Variants in PCCB observed in about 807,000 individuals in gnomAD.
PCCB encodes the protein propionyl-CoA carboxylase beta chain, mitochondrial.
In PCCB, 43 loss-of-function variants were observed where a neutral mutation model predicts 60.7. The ratio of observed to expected loss-of-function variants is 0.71; its 90% CI spans 0.55 to 0.91. The LOEUF (loss-of-function observed/expected upper bound fraction) is 0.91, where lower values mean the gene tolerates loss of function less well. PCCB is among the 40% of genes least tolerant of loss of function. PCCB has a pLI of 0.00. For synonymous variants in PCCB, 276 were observed against 255.9 expected, an observed-to-expected ratio of 1.08 and a Z score of -0.75; for missense variants, 766 against 702.8, an observed-to-expected ratio of 1.09 and a Z score of -1.02.
At chr3:136,278,641 C>T (rs146927494) in intron 5 of PCCB, among the ~76,000 whole-genome samples, 172 of 152,124 alleles carry the variant, frequency 1.1e-3, no homozygotes, top group African/African-American at 4.0e-3. Flanking sequence ...AGTTTTATTC[C>T]ATTGTGATCA....
chr3:136,268,098 A>ATATATATG (rs1942073772), intron 5 of PCCB, among the ~76,000 whole-genome samples: 2 of 115,504 alleles, frequency 1.7e-5, no homozygotes, highest in African/African-American at 3.8e-5. Flanking sequence ...ATATATATAT[A>ATATATATG]TATATATATA....
At position 136,284,573 on chromosome 3, in the gene PCCB, G is replaced by C. The variant is rs1282585158; in HGVS notation, c.654+626G>C. On this transcript the variant is annotated intron_variant, in intron 6 of 14. Coordinates refer to ENST00000251654, the MANE Select transcript of PCCB (RefSeq NM_000532.5). ...AATAAAAATGAACATTGGATGCCAAGACAGAATGGTTGGGGGGAAAAAGTA... is the reference window on the plus strand; with the variant it reads ...AATAAAAATGAACATTGGATGCCAACACAGAATGGTTGGGGGGAAAAAGTA... Among the ~76,000 whole-genome samples, 4 of 152,216 alleles carry C rather than the reference G, an allele frequency of 2.6e-5. No homozygotes were observed. The East Asian group carries it at 7.7e-4, about 29-fold the overall frequency.
intron 10 of PCCB, 76 bp downstream of exon 10, chr3:136,317,140 T>A: frequency 1.3e-6 from 2 of 1,512,134 alleles, no homozygotes; most frequent in Middle Eastern, 1.7e-4. Flanking sequence ...ATCCTTTCTG[T>A]CTTTTGCCTG....
chr3:136,264,440 G>GTGTGTATATATA lies in PCCB; in HGVS notation c.543+2376_543+2377insGTGTATATATAT. Among the ~76,000 whole-genome samples, 67 of 123,832 alleles carry GTGTGTATATATA rather than the reference G, an allele frequency of 5.4e-4. 4 individuals carry two copies. Among genetic ancestry groups the GTGTGTATATATA allele is most frequent in the African/African-American group, 1.5e-3 (49 of 33,084 alleles). 81.2% of individuals were successfully genotyped at this position (123,832 alleles called of 152,430 possible). Reference sequence around the variant, plus strand: ...CTGTCTCTCATATATATGTGTGTGTGTATATATGTATATATATATATGTTC... The same window carrying GTGTGTATATATA: ...CTGTCTCTCATATATATGTGTGTGTGTGTGTATATATATATATATGTATATATATATATGTTC... On this transcript the variant is annotated intron_variant, in intron 5 of 14. Coordinates refer to ENST00000251654, the MANE Select transcript of PCCB (RefSeq NM_000532.5).
chr3:136,300,570 T>C (rs1048748766), intron 8 of PCCB, among the ~76,000 whole-genome samples: 3 of 152,214 alleles, frequency 2.0e-5, no homozygotes, highest in African/African-American at 7.2e-5. Flanking sequence ...GAAGGAGCTT[T>C]AGCAGATTAA....
At chr3:136,275,343 GT>G (rs199702040) in intron 5 of PCCB, among the ~76,000 whole-genome samples, 142 of 148,110 alleles carry the variant, frequency 9.6e-4, no homozygotes, top group African/African-American at 3.0e-3. Flanking sequence ...TGTTTTTTAA[GT>G]TTTTTTTTTA....
intron 14 of PCCB, 44 bp from the exon 15 acceptor site, chr3:136,329,861 T>A: frequency 3.1e-6 from 5 of 1,612,212 alleles, no homozygotes; most frequent in Non-Finnish European, 4.2e-6. Context: ...GGTGGCATCA[T>A]CTCGGGATGC....
intron 4 of PCCB, among the ~76,000 whole-genome samples, chr3:136,261,714 C>T (rs1941831058): frequency 6.6e-6 from 1 of 152,186 alleles, no homozygotes; most frequent in South Asian, 2.1e-4. Flanking sequence ...TTATCCCCTG[C>T]TAATGGGAAG....
intron 5 of PCCB, among the ~76,000 whole-genome samples, chr3:136,265,158 A>G (rs1320330919): frequency 1.3e-5 from 2 of 152,152 alleles, no homozygotes; most frequent in South Asian, 2.1e-4. Context: ...ATGCCACTGC[A>G]CTCCAGCCTG....
At chr3:136,259,165 T>G in intron 3 of PCCB, 1 of 1,465,728 alleles carries the variant, frequency 6.8e-7, no homozygotes, top group Middle Eastern at 1.8e-4. Flanking sequence ...TAACCTTTCT[T>G]TTTAAAACAG....
At chr3:136,270,506 T>G (rs931773055) in intron 5 of PCCB, among the ~76,000 whole-genome samples, 2 of 126,428 alleles carry the variant, frequency 1.6e-5, no homozygotes, top group Non-Finnish European at 3.6e-5. Flanking sequence ...TTTTTTGACA[T>G]TTTTTTTTTT....
chr3:136,251,370 A>G, intron 1 of PCCB: 1 of 455,418 alleles, frequency 2.2e-6, no homozygotes, highest in South Asian at 1.5e-5. Context: ...TGCTGAACGA[A>G]TTAACCAACG....
intron 1 of PCCB, chr3:136,252,186 A>C (rs1941535408): frequency 2.3e-6 from 1 of 436,034 alleles, no homozygotes; most frequent in African/African-American, 2.0e-5. Context: ...CCGGCCCTGC[A>C]CCCCTTTTAA....
intron 5 of PCCB, among the ~76,000 whole-genome samples, chr3:136,275,013 A>G (rs763282689): frequency 2.6e-5 from 4 of 151,904 alleles, no homozygotes; most frequent in African/African-American, 4.8e-5. Context: ...GAAATTTGCT[A>G]TGTTGCTCAG....
At chr3:136,283,728 T>A (rs147817450) in intron 5 of PCCB, 109 bp from the exon 6 acceptor site, 5 of 761,346 alleles carry the variant, frequency 6.6e-6, no homozygotes, top group African/African-American at 1.7e-5. Flanking sequence ...CTGTATAGAA[T>A]TTCTGTGGGA....
chr3:136,253,599 G>A (rs1299074688), intron 1 of PCCB, among the ~76,000 whole-genome samples: 1 of 151,214 alleles, frequency 6.6e-6, no homozygotes, highest in Non-Finnish European at 1.5e-5. Context: ...TGAGCAGGCT[G>A]GTCTCTAACT....
At chr3:136,316,221 A>G (rs1022807452) in intron 9 of PCCB, among the ~76,000 whole-genome samples, 2 of 151,934 alleles carry the variant, frequency 1.3e-5, no homozygotes, top group African/African-American at 4.8e-5. Context: ...CCCTGTCTCA[A>G]AAAAAGAAAA....
intron 5 of PCCB, among the ~76,000 whole-genome samples, chr3:136,269,885 C>CA (rs1159032335): frequency 0.023 from 1,368 of 59,810 alleles, 31 homozygotes; most frequent in East Asian, 0.072. Flanking sequence ...GACTCTGTCT[C>CA]AAAAAAAAAA....
chr3:136,299,678 A>G (rs868287965), intron 8 of PCCB, among the ~76,000 whole-genome samples: 196 of 125,134 alleles, frequency 1.6e-3, no homozygotes, highest in African/African-American at 6.4e-3. Context: ...ATGCATGTGT[A>G]TGTATGTATA....
Sources: gnomAD v4.1 joint callset for allele counts (sites outside exome capture counted in the v4.1 genomes callset) on GRCh38, gnomAD v4.1.1 for gene constraint, MANE v1.5 for transcripts, NCBI Gene and HGNC (gene_info 2026-07-23, HGNC 2026-07-21) for gene names.